LAMA3: variants seen among roughly 807,000 people sequenced by gnomAD.
The protein encoded by LAMA3 is laminin subunit alpha-3.
In LAMA3, 281 loss-of-function variants were observed where a neutral mutation model predicts 402.0. That is an observed-to-expected ratio of 0.70 (90% CI 0.63 to 0.77). LAMA3 has a LOEUF of 0.77. Among genes scored for constraint, LAMA3 ranks in the 30% least tolerant of loss-of-function variants. The pLI, the probability that LAMA3 is intolerant of heterozygous loss-of-function variation, is 0.00. For synonymous variants in LAMA3, 1,431 were observed against 1,558.4 expected (o/e 0.92, Z 1.93); for missense variants, 3,840 against 4,215.5 (o/e 0.91, Z 2.47).
intron 4 of LAMA3, among the ~76,000 whole-genome samples, chr18:23,749,859 T>TAC (rs955695127): frequency 1.3e-5 from 2 of 152,158 alleles, no homozygotes; most frequent in African/African-American, 4.8e-5. Context: ...GATGACCCCT[T>TAC]ACCTCTTCAC....
intron 39 of LAMA3, among the ~76,000 whole-genome samples, chr18:23,877,483 G>A (rs2064760273): frequency 1.3e-5 from 2 of 152,180 alleles, no homozygotes; most frequent in East Asian, 1.9e-4. Context: ...CTTCAGTTGT[G>A]TTGTGCCCTT....
intron 1 of LAMA3, among the ~76,000 whole-genome samples, chr18:23,702,875 A>G (rs1485843850): frequency 6.6e-6 from 1 of 152,154 alleles, no homozygotes; most frequent in Non-Finnish European, 1.5e-5. Flanking sequence ...ACTTAGACCA[A>G]TTGCTCCACC....
intron 35 of LAMA3, among the ~76,000 whole-genome samples, chr18:23,863,957 C>T (rs901251960): frequency 1.3e-5 from 2 of 152,156 alleles, no homozygotes; most frequent in Non-Finnish European, 1.5e-5. Context: ...AGTTGTCAGC[C>T]ATGGCTACTG....
intron 2 of LAMA3, among the ~76,000 whole-genome samples, chr18:23,726,445 G>A (rs2061301759): frequency 6.6e-6 from 1 of 152,196 alleles, no homozygotes; most frequent in South Asian, 2.1e-4. Flanking sequence ...GGAAGGCATT[G>A]CACCCGCACT....
chr18:23,944,054 T>G (rs1331529937), intron 69 of LAMA3, 83 bp downstream of exon 69: 5 of 1,343,756 alleles, frequency 3.7e-6, no homozygotes, highest in Non-Finnish European at 5.2e-6. Flanking sequence ...CCCAGCATCC[T>G]TCCCAGACAT....
Position 23,884,832 on chromosome 18 carries a change from A to G in LAMA3, c.5282A>G (p.Tyr1761Cys). Residue 1761 changes from tyrosine to cysteine, a missense_variant, in exon 41 of 75, where the codon TAC (tyrosine) becomes TGC (cysteine). Tyr to Cys is a radical substitution (Grantham distance 194). Around this residue, in one of 3 missense-constraint regions of LAMA3, gnomAD observed 2,109 missense variants for 2,376.0 expected, o/e 0.89. Coordinates refer to ENST00000313654, the MANE Select transcript of LAMA3 (RefSeq NM_198129.4). ...GDVRCSCKAG[Y>C]TGTQCERCAP... ...GTGCGGTGCTCCTGCAAAGCTGGGT[A>G]CACAGGAACACAGTGTGAAAGGTAA... 6.2e-7 allele frequency: 1 copy of G among 1,612,488 alleles called. No individual in the cohort carries two copies. Among genetic ancestry groups the G allele is most frequent in the Non-Finnish European group, 8.5e-7 (1 of 1,179,248 alleles).
At chr18:23,854,024 C>T in intron 32 of LAMA3, among the ~76,000 whole-genome samples, 1 of 152,214 alleles carries the variant, frequency 6.6e-6, no homozygotes, top group Non-Finnish European at 1.5e-5. Flanking sequence ...TTCACCCTGG[C>T]CTAGCAGGCC....
intron 47 of LAMA3, among the ~76,000 whole-genome samples, chr18:23,900,400 C>T (rs766135569): frequency 2.6e-5 from 4 of 152,162 alleles, no homozygotes; most frequent in Admixed American, 1.3e-4. Context: ...TGCATTTTGA[C>T]TGCAACCTGT....
At chr18:23,803,210 C>T (rs1354733814) in intron 12 of LAMA3, among the ~76,000 whole-genome samples, 1 of 152,178 alleles carries the variant, frequency 6.6e-6, no homozygotes, top group Non-Finnish European at 1.5e-5. Context: ...CTTCCCCTTC[C>T]ATGATAGGAC....
intron 52 of LAMA3, 84 bp from the exon 53 acceptor site, chr18:23,907,466 A>T: frequency 1.0e-6 from 1 of 958,858 alleles, no homozygotes; most frequent in Middle Eastern, 2.3e-4. Context: ...CTGTGCAGAC[A>T]CTGGCTACTT....
intron 2 of LAMA3, among the ~76,000 whole-genome samples, chr18:23,724,406 C>T (rs1282434482): frequency 1.3e-5 from 2 of 152,070 alleles, no homozygotes; most frequent in African/African-American, 4.8e-5. Flanking sequence ...AATGAAAAAG[C>T]TTCCTTGGAG....
At chr18:23,707,655 TTTTA>T (rs972269788) in intron 1 of LAMA3, among the ~76,000 whole-genome samples, 4 of 152,142 alleles carry the variant, frequency 2.6e-5, no homozygotes, top group Non-Finnish European at 4.4e-5. Flanking sequence ...TTTATACATA[TTTTA>T]TTTATTTATT....
At chr18:23,795,945 T>C (rs1280565290) in intron 12 of LAMA3, 3 of 277,892 alleles carry the variant, frequency 1.1e-5, no homozygotes, top group Non-Finnish European at 2.2e-5. Flanking sequence ...GGAGCCCTGA[T>C]CTGATAGGAC....
chr18:23,844,753 T>C (rs1412269731), intron 29 of LAMA3, among the ~76,000 whole-genome samples: 2 of 152,238 alleles, frequency 1.3e-5, no homozygotes, highest in Non-Finnish European at 2.9e-5. Flanking sequence ...TCAGATTTTT[T>C]TCAGATTTTG....
rs1205643328 is a variant in LAMA3 at position 23,839,645 on chromosome 18, A to G, written c.3192-140A>G. 2.6e-5 allele frequency: 21 copies of G among 812,748 alleles called. No homozygotes were observed. Among genetic ancestry groups the G allele is most frequent in the South Asian group, 4.4e-5 (3 of 67,818 alleles). 50.3% of individuals were successfully genotyped at this position (812,748 alleles called of 1,614,324 possible). On this transcript the variant is annotated intron_variant, in intron 26 of 74. Transcript: ENST00000313654. The surrounding 1 kb of genome is among the most constrained non-coding windows in gnomAD (Gnocchi z 4.5). ...TGAGTATCATTATATAAAGATCCCT[A>G]GAGTTCTGTGCTTCCCCCAGCACTG...
intron 20 of LAMA3, among the ~76,000 whole-genome samples, chr18:23,823,432 C>T (rs140102403): frequency 1.3e-5 from 2 of 152,334 alleles, no homozygotes; most frequent in South Asian, 2.1e-4. Context: ...CATTTTGCTT[C>T]GTTTCCTTGT....
chr18:23,717,451 CT>C (rs2145927258), intron 2 of LAMA3, among the ~76,000 whole-genome samples: 1 of 145,224 alleles, frequency 6.9e-6, no homozygotes, highest in South Asian at 2.2e-4. Flanking sequence ...TTGTGAGGGT[CT>C]TGTTTTCTTT....
intron 39 of LAMA3, among the ~76,000 whole-genome samples, chr18:23,880,153 C>T (rs2064849456): frequency 6.6e-6 from 1 of 152,098 alleles, no homozygotes; most frequent in African/African-American, 2.4e-5. Context: ...TGAGAGGACT[C>T]CTCTGTGGAG....
rs2064816956 is a variant in LAMA3 at position 23,879,102 on chromosome 18, T to C, written c.5112+2695T>C. 1.3e-5 allele frequency among the ~76,000 whole-genome samples: 2 copies of C among 152,170 alleles called. No homozygotes were observed. The highest frequency in any genetic ancestry group is 4.8e-5 in the African/African-American group (2 of 41,442). The stretch of plus-strand genomic sequence containing the variant: ...TCATCTTCCTTCTTTTATTTTCTGC[T>C]ACTTGAGCCCATCTTCCCCTCTGCA... On this transcript the variant is annotated intron_variant, in intron 39 of 74. Coordinates refer to ENST00000313654, the MANE Select transcript of LAMA3 (RefSeq NM_198129.4). This position sits in a 1 kb window ranked among gnomAD's most constrained non-coding sequence, Gnocchi z 4.2.
Sources: gnomAD v4.1 joint callset for allele counts (sites outside exome capture counted in the v4.1 genomes callset) on GRCh38, gnomAD v4.1.1 for gene constraint, gnomAD v4.1.1 regional missense constraint, Gnocchi (gnomAD v3.1) non-coding constraint, MANE v1.5 for transcripts, NCBI Gene and HGNC (gene_info 2026-07-23, HGNC 2026-07-21) for gene names.